Variants in SHPRH observed in about 807,000 individuals in gnomAD.
SHPRH encodes E3 ubiquitin-protein ligase SHPRH.
In SHPRH, 106 loss-of-function variants were observed where a neutral mutation model predicts 202.5. The ratio of observed to expected loss-of-function variants is 0.52; its 90% CI spans 0.45 to 0.62. The LOEUF is 0.62. Among genes scored for constraint, SHPRH ranks in the 20% least tolerant of loss-of-function variants. The pLI is 0.00. For synonymous variants in SHPRH, 729 were observed against 686.0 expected, an observed-to-expected ratio of 1.06 and a Z score of -0.98; for missense variants, 1,710 against 2,020.0, an observed-to-expected ratio of 0.85 and a Z score of 2.94.
chr6:145,945,253 T>C, intron 8 of SHPRH, 128 bp downstream of exon 8: 4 of 1,108,390 alleles, frequency 3.6e-6, no homozygotes, highest in South Asian at 1.9e-5. Context: ...GTTACAGATA[T>C]AAGTACTTTT....
intron 24 of SHPRH, among the ~76,000 whole-genome samples, chr6:145,911,098 A>G (rs1221209398): frequency 6.6e-6 from 1 of 152,144 alleles, no homozygotes; most frequent in African/African-American, 2.4e-5. Flanking sequence ...GGTTCTGGTT[A>G]TTTAAAAAAT....
At position 145,885,438 on chromosome 6, in the gene SHPRH, G is replaced by C. The variant is rs1780917398; in HGVS notation, c.*1253C>G. 1 of 152,396 alleles carries C rather than the reference G, an allele frequency of 6.6e-6. No individual in the cohort carries two copies. The highest frequency in any genetic ancestry group is 1.5e-5 in the Non-Finnish European group (1 of 68,020). 9.4% of individuals were successfully genotyped at this position (152,396 alleles called of 1,614,324 possible). A position where few individuals can be genotyped will look rare whatever the true frequency, so the allele number is the denominator to read the frequency against. ...GCACCAAAGCCTCTCGGACAAATGG[G>C]ATCTAGGGAATGGTTCTATGAGTTT... is the stretch of plus-strand genomic sequence containing the variant. On this transcript the variant is annotated 3_prime_UTR_variant, in exon 30 of 30. Coordinates refer to ENST00000275233, the MANE Select transcript of SHPRH (RefSeq NM_001042683.3).
intron 15 of SHPRH, among the ~76,000 whole-genome samples, chr6:145,926,707 A>T (rs1224070143): frequency 1.4e-4 from 22 of 152,056 alleles, no homozygotes. Flanking sequence ...TTATTTAGCT[A>T]GAGAGCCTTG....
chr6:145,922,642 A>G, intron 19 of SHPRH, 21 bp downstream of exon 19: 1 of 1,572,928 alleles, frequency 6.4e-7, no homozygotes, highest in Non-Finnish European at 8.6e-7. Flanking sequence ...ATTTCATTGT[A>G]TGATTTCTTC....
chr6:145,915,000 C>T (rs374067095), intron 23 of SHPRH, among the ~76,000 whole-genome samples: 9 of 151,498 alleles, frequency 5.9e-5, no homozygotes, highest in African/African-American at 1.2e-4. Flanking sequence ...AATATCCTTA[C>T]GGACTTTCTT....
At chr6:145,908,367 T>C (rs930548248) in intron 25 of SHPRH, 1 of 152,184 alleles carries the variant, frequency 6.6e-6, no homozygotes, top group Non-Finnish European at 1.5e-5. Context: ...TTGCACTAAT[T>C]TATATTCCTA....
chr6:145,955,121 T>C lies in SHPRH; in HGVS notation c.202A>G (p.Arg68Gly), dbSNP rs147722195. The stretch of plus-strand genomic sequence containing the variant: ...ACTTTTGAACACCTCTTCTTATCTC[T>C]GTGAGCCACTTCTTCCTTTAGACTA... ...SDSLKEEVAHRDKKRCSKVVS... is the reference protein window; with the variant it reads ...SDSLKEEVAHGDKKRCSKVVS... Residue 68 changes from arginine to glycine, a missense_variant, in exon 2 of 30, where the codon AGA (arginine) becomes GGA (glycine). Physicochemically the swap from Arg to Gly is moderately radical, Grantham distance 125. Around this residue, in one of 8 missense-constraint regions of SHPRH, gnomAD observed 459 missense variants for 426.5 expected, o/e 1.08. Transcript: ENST00000275233. 6 of 1,613,592 alleles carry C rather than the reference T, an allele frequency of 3.7e-6. No individual in the cohort carries two copies. The highest frequency in any genetic ancestry group is 1.7e-6 in the Non-Finnish European group (2 of 1,179,932).
chr6:145,904,818 A>C (rs575490609), intron 25 of SHPRH: 4 of 152,108 alleles, frequency 2.6e-5, no homozygotes, highest in Admixed American at 1.3e-4. Context: ...TATAAACTTA[A>C]TTTTTTTTAA....
intron 2 of SHPRH, among the ~76,000 whole-genome samples, chr6:145,866,490 C>A (rs1325515870): frequency 6.6e-6 from 1 of 152,150 alleles, no homozygotes; most frequent in Non-Finnish European, 1.5e-5. Context: ...TTTCCTAACA[C>A]CTTGGAAAGA....
At chr6:145,892,078 C>T (rs1194856940) in intron 28 of SHPRH, among the ~76,000 whole-genome samples, 1 of 152,086 alleles carries the variant, frequency 6.6e-6, no homozygotes, top group Non-Finnish European at 1.5e-5. Flanking sequence ...TTTCTCTCCC[C>T]GCTACTTCTT....
chr6:145,915,832 G>C (rs951983100), intron 23 of SHPRH, among the ~76,000 whole-genome samples: 11 of 151,084 alleles, frequency 7.3e-5, no homozygotes, highest in Admixed American at 7.3e-4. Flanking sequence ...TACTTATTCT[G>C]CTTAGTGTTT....
intron 25 of SHPRH, chr6:145,908,535 T>C (rs1783182295): frequency 6.6e-6 from 1 of 152,156 alleles, no homozygotes; most frequent in Non-Finnish European, 1.5e-5. Flanking sequence ...TTTTTTCATG[T>C]TTGTTGGCCA....
intron 29 of SHPRH, 84 bp from the exon 30 acceptor site, chr6:145,886,871 A>G: frequency 7.1e-7 from 1 of 1,403,456 alleles, no homozygotes; most frequent in Non-Finnish European, 9.5e-7. Flanking sequence ...AACTAGACAC[A>G]TATTTTTTCT....
At position 145,913,457 on chromosome 6, in the gene SHPRH, T is replaced by C. The variant is rs375080038; in HGVS notation, c.4326+21A>G. 65 of 1,591,126 alleles carry C rather than the reference T, an allele frequency of 4.1e-5. No homozygotes were observed. The East Asian group carries it at 9.2e-4, about 23-fold the overall frequency. ...CTGTAAGGTATTTTATAAATGCATG[T>C]GATGTTTATCATAATTTTACCTGTT... On this transcript the variant is annotated intron_variant, in intron 24 of 29. Coordinates refer to ENST00000275233, the MANE Select transcript of SHPRH (RefSeq NM_001042683.3).
intron 14 of SHPRH, among the ~76,000 whole-genome samples, chr6:145,932,713 T>C (rs1474870263): frequency 6.6e-6 from 1 of 152,190 alleles, no homozygotes; most frequent in Non-Finnish European, 1.5e-5. Flanking sequence ...ATTTAACCAT[T>C]TTTCTATTTC....
At chr6:145,933,296 C>A (rs1785672379) in intron 13 of SHPRH, 118 bp from the exon 14 acceptor site, 1 of 1,453,606 alleles carries the variant, frequency 6.9e-7, no homozygotes, top group Admixed American at 2.2e-5. Flanking sequence ...TGTGGTATCT[C>A]TAGCATTTTT....
At chr6:145,873,485 A>G (rs1162683603) in intron 2 of SHPRH, among the ~76,000 whole-genome samples, 3 of 152,178 alleles carry the variant, frequency 2.0e-5, no homozygotes, top group Non-Finnish European at 4.4e-5. Flanking sequence ...TGAAAGTTAC[A>G]GGAGAAGACT....
At chr6:145,861,397 A>T (rs974771701), downstream of SHPRH, among the ~76,000 whole-genome samples, 8 of 152,094 alleles carry the variant, frequency 5.3e-5, no homozygotes, top group African/African-American at 1.9e-4. Flanking sequence ...ACAGTGAGAT[A>T]TCACCTCATA....
downstream of SHPRH, among the ~76,000 whole-genome samples, chr6:145,880,211 A>C (rs1780499691): frequency 6.6e-6 from 1 of 152,160 alleles, no homozygotes. Context: ...ATTAAGCCTA[A>C]ATTAGGTGCT....
Sources: gnomAD v4.1 joint callset for allele counts (sites outside exome capture counted in the v4.1 genomes callset) on GRCh38, gnomAD v4.1.1 for gene constraint, gnomAD v4.1.1 regional missense constraint, MANE v1.5 for transcripts, NCBI Gene and HGNC (gene_info 2026-07-23, HGNC 2026-07-21) for gene names.